Variants in PCDHA6 observed in about 807,000 individuals in gnomAD.
The protein encoded by PCDHA6 is protocadherin alpha-6.
A neutral mutation model predicts 60.3 loss-of-function variants in PCDHA6; 55 were observed. That is an observed-to-expected ratio of 0.91 (90% CI 0.73 to 1.14). PCDHA6 has a LOEUF of 1.14. Among genes scored for constraint, PCDHA6 ranks in the 50% most tolerant of loss-of-function variants. The pLI, the probability that PCDHA6 is intolerant of heterozygous loss-of-function variation, is 0.00. For synonymous variants in PCDHA6, 652 were observed against 557.9 expected (o/e 1.17, Z -2.38); for missense variants, 1,327 against 1,256.5 (o/e 1.06, Z -0.85).
chr5:140,888,355 T>C (rs1192266455), intron 1 of PCDHA6, among the ~76,000 whole-genome samples: 1 of 152,214 alleles, frequency 6.6e-6, no homozygotes, highest in Non-Finnish European at 1.5e-5. Context: ...GAATTGCTAC[T>C]GGCATCTAAT....
At chr5:140,928,808 G>A (rs782344407) in intron 1 of PCDHA6, 3 of 1,614,062 alleles carry the variant, frequency 1.9e-6, no homozygotes, top group Non-Finnish European at 2.5e-6. Flanking sequence ...GTAGTGGTTC[G>A]GGACCATGGA....
At chr5:140,875,271 C>A (rs1256076154) in intron 1 of PCDHA6, 2 of 1,256,362 alleles carry the variant, frequency 1.6e-6, no homozygotes, top group Non-Finnish European at 2.1e-6. Flanking sequence ...GCTCTACACT[C>A]AGAAGGTGAA....
At chr5:140,865,729 G>A (rs1325219094) in intron 1 of PCDHA6, 2 of 152,136 alleles carry the variant, frequency 1.3e-5, no homozygotes, top group Non-Finnish European at 2.9e-5. Context: ...GCTGAGATGT[G>A]TATCTATTTT....
At chr5:140,927,318 C>T (rs149532133) in intron 1 of PCDHA6, 18,448 of 1,614,194 alleles carry the variant, frequency 0.011, 218 homozygotes, top group South Asian at 0.039. Flanking sequence ...CCGGAGCCCG[C>T]TTTACTCTCC....
At chr5:141,007,000 G>A (rs2098298646) in intron 3 of PCDHA6, among the ~76,000 whole-genome samples, 1 of 152,128 alleles carries the variant, frequency 6.6e-6, no homozygotes, top group South Asian at 2.1e-4. Flanking sequence ...ATATAAGTCT[G>A]CATCTCATCA....
Position 141,010,329 on chromosome 5 carries a change from G to A in PCDHA6, c.*392G>A. The A allele has an allele frequency of 6.5e-7, 1 of 1,538,672 alleles. No individual in the cohort carries two copies. Among genetic ancestry groups the A allele is most frequent in the Non-Finnish European group, 8.8e-7 (1 of 1,142,532 alleles). On this transcript the variant is annotated 3_prime_UTR_variant, in exon 4 of 4. Transcript: ENST00000529310. ...AGTTTTGAGATTGAGCAGCTTGGGA[G>A]TTTGTGGCCACTGGGTATGTGTGGC...
chr5:140,841,838 A>G (rs1453803660), intron 1 of PCDHA6: 11 of 1,613,802 alleles, frequency 6.8e-6, no homozygotes, highest in Admixed American at 6.7e-5. Context: ...CTACAGGCTT[A>G]GCTCTCATGA....
At chr5:140,940,110 T>C (rs2092554073) in intron 1 of PCDHA6, among the ~76,000 whole-genome samples, 1 of 152,240 alleles carries the variant, frequency 6.6e-6, no homozygotes, top group Admixed American at 6.5e-5. Context: ...CGTTATGTAT[T>C]ATTTACCTCT....
Position 140,828,183 on chromosome 5 carries a change from T to C in PCDHA6, c.92T>C (p.Leu31Pro), listed in dbSNP as rs2150151991. The C allele has an allele frequency of 1.9e-6, 3 of 1,614,120 alleles. No individual in the cohort carries two copies. The Admixed American group carries it at 5.0e-5, about 27-fold the overall frequency. ...LAAWKVGSGQ[L>P]HYSVPEEAKH... ...GCCTGGAAGGTGGGGAGCGGCCAGC[T>C]CCACTACTCCGTACCCGAGGAGGCC... Residue 31 changes from leucine to proline, a missense_variant, in exon 1 of 4, where the codon CTC (leucine) becomes CCC (proline). Coordinates refer to ENST00000529310, the MANE Select transcript of PCDHA6 (RefSeq NM_018909.4).
At chr5:140,863,232 G>C in intron 1 of PCDHA6, 1 of 1,230,740 alleles carries the variant, frequency 8.1e-7, no homozygotes, top group Non-Finnish European at 1.1e-6. Context: ...AGGTCCCATC[G>C]CGGGCTTTGG....
intron 1 of PCDHA6, among the ~76,000 whole-genome samples, chr5:140,964,979 G>A (rs1325298604): frequency 1.3e-5 from 2 of 152,204 alleles, no homozygotes; most frequent in African/African-American, 4.8e-5. Flanking sequence ...GGATGTGCTA[G>A]TTCAGGCCTT....
intron 3 of PCDHA6, among the ~76,000 whole-genome samples, chr5:140,989,765 C>T (rs2097359812): frequency 6.6e-6 from 1 of 152,166 alleles, no homozygotes; most frequent in South Asian, 2.1e-4. Context: ...ATATTCAGTT[C>T]AAGCACTGGC....
At chr5:140,830,998 TA>T (rs1184514649) in intron 1 of PCDHA6, 3 of 152,294 alleles carry the variant, frequency 2.0e-5, no homozygotes, top group Admixed American at 6.5e-5. Flanking sequence ...TCATAGTTTT[TA>T]TCTGTGGTTC....
At chr5:140,875,242 T>A in intron 1 of PCDHA6, 1 of 943,028 alleles carries the variant, frequency 1.1e-6, no homozygotes, top group Non-Finnish European at 1.5e-6. Flanking sequence ...TGTACTTACA[T>A]AATCAGTCAC....
At chr5:140,924,765 C>T (rs574213548) in intron 1 of PCDHA6, among the ~76,000 whole-genome samples, 2 of 151,640 alleles carry the variant, frequency 1.3e-5, no homozygotes, top group Non-Finnish European at 2.9e-5. Context: ...CATGGTGGTG[C>T]GCGCTTGTAG....
chr5:140,890,760 A>C (rs939413448), intron 1 of PCDHA6, among the ~76,000 whole-genome samples: 2 of 152,188 alleles, frequency 1.3e-5, no homozygotes, highest in Non-Finnish European at 2.9e-5. Flanking sequence ...ATGCTTTAAA[A>C]ATATTTTAAA....
chr5:140,899,534 T>A (rs2067388979), intron 1 of PCDHA6, among the ~76,000 whole-genome samples: 1 of 152,234 alleles, frequency 6.6e-6, no homozygotes, highest in Non-Finnish European at 1.5e-5. Context: ...TGAAGCCCAC[T>A]TGATCATGGT....
chr5:140,842,884 G>T, intron 1 of PCDHA6: 1 of 1,594,190 alleles, frequency 6.3e-7, no homozygotes, highest in South Asian at 1.1e-5. Context: ...ACGCGCTGCA[G>T]CCGCTGGACC....
intron 1 of PCDHA6, chr5:140,855,937 A>G: frequency 7.7e-7 from 1 of 1,306,456 alleles, no homozygotes; most frequent in Non-Finnish European, 1.1e-6. Flanking sequence ...TCATTCTGAG[A>G]TCTCAGCCAT....
Sources: allele counts gnomAD v4.1 joint callset (sites outside exome capture counted in the v4.1 genomes callset), GRCh38; gene constraint gnomAD v4.1.1; transcripts MANE v1.5; gene names NCBI Gene and HGNC (gene_info 2026-07-23, HGNC 2026-07-21).